Variants in PVR observed in about 807,000 individuals in gnomAD.
The protein encoded by PVR is PVR cell adhesion molecule.
Under a neutral mutation model 43.3 loss-of-function variants are expected in PVR, and 39 were observed. The observed-to-expected ratio is 0.90, with a 90% CI of 0.70 to 1.18. The LOEUF is 1.18. Ranked by LOEUF, PVR falls within the 50% of genes most tolerant of loss-of-function variation. PVR has a pLI of 0.00. For synonymous variants in PVR, 224 were observed against 233.2 expected (o/e 0.96, Z 0.36); for missense variants, 480 against 549.7 (o/e 0.87, Z 1.27).
intron 7 of PVR, among the ~76,000 whole-genome samples, 180 bp from the exon 8 acceptor site, chr19:44,661,560 C>T (rs1373391871): frequency 2.0e-5 from 3 of 152,078 alleles, no homozygotes; most frequent in Non-Finnish European, 4.4e-5. Context: ...TCCGCTCTCT[C>T]CCCCCTGCCC....
intron 5 of PVR, 44 bp from the exon 6 acceptor site, chr19:44,658,698 C>T: frequency 1.3e-6 from 2 of 1,522,014 alleles, no homozygotes; most frequent in Non-Finnish European, 1.8e-6. Flanking sequence ...AGGGATAAAC[C>T]CCAAGAGTTT....
At chr19:44,660,613 C>G (rs549911790) in intron 6 of PVR, among the ~76,000 whole-genome samples, 1 of 152,118 alleles carries the variant, frequency 6.6e-6, no homozygotes, top group African/African-American at 2.4e-5. Flanking sequence ...GCCTCAACCT[C>G]CCAGGCTCAG....
At position 44,644,185 on chromosome 19, in the gene PVR, C is replaced by T; in HGVS notation, c.79+10C>T. ...CCACCCCCAGGAACCGGTGAGTGACCCCCGCGCAGTCCGGTGGCCCCTGTC... is the reference window on the plus strand; with the variant it reads ...CCACCCCCAGGAACCGGTGAGTGACTCCCGCGCAGTCCGGTGGCCCCTGTC... On this transcript the variant is annotated intron_variant, in intron 1 of 7. Transcript: ENST00000425690. 6.7e-7 allele frequency: 1 copy of T among 1,491,436 alleles called. No individual in the cohort carries two copies. The allele number at this position is 1,491,436 out of a possible 1,614,324, so 92.4% of individuals were successfully genotyped here.
chr19:44,647,542 G>A lies in PVR; in HGVS notation c.399G>A (p.Arg133=). Residue 133 remains arginine, a synonymous_variant, in exon 2 of 8, where the codon AGG becomes AGA. Transcript: ENST00000425690. The part of the protein sequence containing the change: ...CLFVTFPQGS[R]SVDIWLRVLA... ...TCGTCACGTTCCCGCAGGGCAGCAG[G>A]AGCGTGGATATCTGGCTCCGAGTGC... 4 of 1,613,430 alleles carry A rather than the reference G, an allele frequency of 2.5e-6. No homozygotes were observed. Among genetic ancestry groups the A allele is most frequent in the Non-Finnish European group, 3.4e-6 (4 of 1,179,630 alleles).
chr19:44,648,725 A>G (rs1045340791), intron 2 of PVR, among the ~76,000 whole-genome samples: 1 of 152,146 alleles, frequency 6.6e-6, no homozygotes, highest in African/African-American at 2.4e-5. Context: ...AAGCCTGTGC[A>G]TGAGAAACTC....
rs769362692 is a variant in PVR, at chr19:44,657,880, C to T, written c.961C>T (p.Arg321Cys). Residue 321 changes from arginine to cysteine, a missense_variant, in exon 5 of 8, where the codon CGC becomes TGC. By Grantham distance (180) the Arg-to-Cys change is radical (BLOSUM62 -3). Transcript: ENST00000425690. Reference protein sequence around the residue: ...ICNVTNALGARQAELTVQVKE... With the variant: ...ICNVTNALGACQAELTVQVKE... ...CAACGTCACCAATGCCCTAGGAGCT[C>T]GCCAGGCAGAACTGACCGTCCAGGT... 1.5e-5 allele frequency: 24 copies of T among 1,613,696 alleles called. No homozygotes were observed. Among genetic ancestry groups the T allele is most frequent in the African/African-American group, 1.5e-4 (11 of 74,906 alleles).
rs61229833 is a variant in PVR, at chr19:44,665,635, CA to C, written c.*3849del. 0.14 allele frequency: 8,003 copies of C among 58,514 alleles called. 129 individuals are homozygous for C. Among genetic ancestry groups the C allele is most frequent in the African/African-American group, 0.27 (4,216 of 15,542 alleles). The allele number at this position is 58,514 out of a possible 1,614,324, so 3.6% of individuals were successfully genotyped here. ...GGTGACAAGAGTGAGACTCTGTCTC[CA>C]AAAAAAAAAAAAAAAAAAAAAAAAC... On this transcript the variant is annotated 3_prime_UTR_variant, in exon 8 of 8. Coordinates refer to ENST00000425690, the MANE Select transcript of PVR (RefSeq NM_006505.5).
At position 44,653,881 on chromosome 19, in the gene PVR, C is replaced by T. The variant is rs1568502608; in HGVS notation, c.725-19C>T. 2 of 1,565,650 alleles carry T rather than the reference C, an allele frequency of 1.3e-6. No individual in the cohort carries two copies. Among genetic ancestry groups the T allele is most frequent in the Admixed American group, 1.7e-5 (1 of 59,946 alleles). ...CCAAAGCCTCCCAGTCTCTGAACCT[C>T]TGTATCCATTTCCTGCAGACCCCCC... On this transcript the variant is annotated intron_variant, in intron 3 of 7. Transcript: ENST00000425690.
At position 44,653,420 on chromosome 19, in the gene PVR, C is replaced by T. The variant is rs192828770; in HGVS notation, c.725-480C>T. Among the ~76,000 whole-genome samples, 8 of 152,272 alleles carry T rather than the reference C, an allele frequency of 5.3e-5. No individual in the cohort carries two copies. In the East Asian group the frequency reaches 7.7e-4, roughly 15 times the overall value. On this transcript the variant is annotated intron_variant, in intron 3 of 7. Coordinates refer to ENST00000425690, the MANE Select transcript of PVR (RefSeq NM_006505.5). The stretch of plus-strand genomic sequence containing the variant: ...TCTACACTGACTCCTACCCCTCGCC[C>T]CCGAATAAAACCCTGTCCCATTGGC...
rs768270029 is a variant in PVR, at chr19:44,657,810, C to T, written c.891C>T (p.Leu297=). The part of the protein sequence containing the change: ...PPFAVAQGAQ[L]LIRPVDKPIN... Reference sequence around the variant, plus strand: ...TTGCTGTGGCCCAGGGCGCCCAGCTCCTGATCCGTCCTGTGGACAAACCAA... The same window carrying T: ...TTGCTGTGGCCCAGGGCGCCCAGCTTCTGATCCGTCCTGTGGACAAACCAA... Residue 297 remains leucine, a synonymous_variant, in exon 5 of 8, where the codon CTC becomes CTT. Coordinates refer to ENST00000425690, the MANE Select transcript of PVR (RefSeq NM_006505.5). The T allele has an allele frequency of 6.2e-6, 10 of 1,613,982 alleles. No individual in the cohort carries two copies. Among genetic ancestry groups the T allele is most frequent in the South Asian group, 1.1e-5 (1 of 91,082 alleles).
intron 4 of PVR, among the ~76,000 whole-genome samples, chr19:44,655,535 C>T (rs1973419517): frequency 6.6e-6 from 1 of 152,244 alleles, no homozygotes; most frequent in Non-Finnish European, 1.5e-5. Flanking sequence ...CCTTATTATA[C>T]ATCCTGTCTT....
rs574848608 is a variant in PVR at position 44,661,464 on chromosome 19, C to T, written c.1182+141C>T. ...GAGCAGCATTTCCCAACCCTTCCTG[C>T]TGGGCGGAATCCCCTGTAGAGTTTG... On this transcript the variant is annotated intron_variant, in intron 7 of 7. Coordinates refer to ENST00000425690, the MANE Select transcript of PVR (RefSeq NM_006505.5). 4 of 944,270 alleles carry T rather than the reference C, an allele frequency of 4.2e-6. No homozygotes were observed. In the African/African-American group the frequency reaches 6.5e-5, roughly 15 times the overall value. The allele number at this position is 944,270 out of a possible 1,614,324, so 58.5% of individuals were successfully genotyped here.
At chr19:44,658,346 G>C (rs147193308) in intron 5 of PVR, among the ~76,000 whole-genome samples, 1 of 152,120 alleles carries the variant, frequency 6.6e-6, no homozygotes, top group Non-Finnish European at 1.5e-5. Context: ...TCTGCTTTTC[G>C]TTATACTGGC....
intron 3 of PVR, 125 bp from the exon 4 acceptor site, chr19:44,653,775 G>C (rs1262472660): frequency 8.4e-6 from 6 of 710,280 alleles, no homozygotes; most frequent in Admixed American, 2.0e-5. Context: ...CTCCTCCTAG[G>C]CCTCTCCAGC....
chr19:44,647,101 T>A, intron 1 of PVR, 122 bp from the exon 2 acceptor site: 1 of 115,318 alleles, frequency 8.7e-6, no homozygotes, highest in Non-Finnish European at 1.5e-5. Flanking sequence ...CACCCCACGG[T>A]CCACCGGGGA....
At chr19:44,660,220 G>C (rs563151259) in intron 6 of PVR, among the ~76,000 whole-genome samples, 1 of 152,278 alleles carries the variant, frequency 6.6e-6, no homozygotes, top group East Asian at 1.9e-4. Flanking sequence ...AGGCACTCGA[G>C]GAAGTGTTTG....
Position 44,662,213 on chromosome 19 carries a change from C to G in PVR, c.*402C>G. On this transcript the variant is annotated 3_prime_UTR_variant, in exon 8 of 8. Transcript: ENST00000425690. ...TGTGACAACATGCAAGAAGTACTGC[C>G]AATACTGCCAACCAGAGCAGCTCAC... 1 of 205,450 alleles carries G rather than the reference C, an allele frequency of 4.9e-6. No individual in the cohort carries two copies. The allele number at this position is 205,450 out of a possible 1,614,324, so 12.7% of individuals were successfully genotyped here.
intron 7 of PVR, 138 bp downstream of exon 7, chr19:44,661,461 C>T: frequency 2.1e-6 from 2 of 962,622 alleles, no homozygotes; most frequent in East Asian, 2.5e-5. Context: ...CCAACCCTTC[C>T]TGCTGGGCGG....
rs11540084 is a variant in PVR, at chr19:44,644,040, G to T, written c.-57G>T. ...TCGCAGCGACCGCGGCAGAGCGAGC[G>T]GGCGCCGGGAAGCGAGGAGACGCCC... is the stretch of plus-strand genomic sequence containing the variant. On this transcript the variant is annotated 5_prime_UTR_variant, in exon 1 of 8. Transcript: ENST00000425690. 302,797 of 1,425,828 alleles carry T rather than the reference G, an allele frequency of 0.21. 34,398 individuals carry two copies. Among genetic ancestry groups the T allele is most frequent in the African/African-American group, 0.39 (26,326 of 67,500 alleles). 88.3% of individuals were successfully genotyped at this position (1,425,828 alleles called of 1,614,324 possible).
Sources: allele counts gnomAD v4.1 joint callset (sites outside exome capture counted in the v4.1 genomes callset), GRCh38; gene constraint gnomAD v4.1.1; transcripts MANE v1.5; gene names NCBI Gene and HGNC (gene_info 2026-07-23, HGNC 2026-07-21).